DDX10: variants seen among roughly 807,000 people sequenced by gnomAD.
DDX10 encodes the protein DEAD-box helicase 10, also known as probable ATP-dependent RNA helicase DDX10.
A neutral mutation model predicts 104.3 loss-of-function variants in DDX10; 74 were observed. That is an observed-to-expected ratio of 0.71 (90% CI 0.59 to 0.86). DDX10 has a LOEUF of 0.86. Among genes scored for constraint, DDX10 ranks in the 40% least tolerant of loss-of-function variants. The pLI is 0.00. For synonymous variants in DDX10, 351 were observed against 353.4 expected, an observed-to-expected ratio of 0.99 and a Z score of 0.08; for missense variants, 952 against 1,040.0, an observed-to-expected ratio of 0.92 and a Z score of 1.16.
In DDX10 at chr11:108,712,569, C is replaced by G. The variant is rs748303672; in HGVS notation, c.1323-3310C>G. Among the ~76,000 whole-genome samples, 5 of 151,810 alleles carry G rather than the reference C, an allele frequency of 3.3e-5. No homozygotes were observed. The East Asian group carries it at 9.6e-4, about 29-fold the overall frequency. ...CACAGGTAGTGTGAGTACCTTATAACGTAATTCTGATTTCTCCCTCGTGTC... is the reference window on the plus strand; with the variant it reads ...CACAGGTAGTGTGAGTACCTTATAAGGTAATTCTGATTTCTCCCTCGTGTC... On this transcript the variant is annotated intron_variant, in intron 10 of 17. Coordinates refer to ENST00000322536, the MANE Select transcript of DDX10 (RefSeq NM_004398.4).
intron 13 of DDX10, among the ~76,000 whole-genome samples, chr11:108,756,841 G>A (rs1280576458): frequency 6.6e-6 from 1 of 152,002 alleles, no homozygotes; most frequent in African/African-American, 2.4e-5. Context: ...TTACGTTTTA[G>A]TAAATTACAG....
chr11:108,853,899 A>C (rs1361730124), intron 16 of DDX10, among the ~76,000 whole-genome samples: 1 of 152,232 alleles, frequency 6.6e-6, no homozygotes. Context: ...AGAAGAGCTG[A>C]CATGGCTTTG....
At position 108,673,530 on chromosome 11, in the gene DDX10, A is replaced by G; in HGVS notation, c.247+3A>G. On this transcript the variant is annotated splice_donor_region_variant and intron_variant, in intron 2 of 17. Transcript: ENST00000322536. ...CTTGTCCAAAAAAACATTGAAAGGT[A>G]AGTATATGGTGATCTTGGGATGTGT... 1 of 1,580,638 alleles carries G rather than the reference A, an allele frequency of 6.3e-7. No homozygotes were observed.
At chr11:108,763,644 T>C (rs76473979) in intron 13 of DDX10, among the ~76,000 whole-genome samples, 6,409 of 152,256 alleles carry the variant, frequency 0.042, 374 homozygotes, top group African/African-American at 0.13. Context: ...GTGATACAAC[T>C]AAACTCATTT....
intron 6 of DDX10, among the ~76,000 whole-genome samples, chr11:108,681,428 T>C (rs2094235082): frequency 6.6e-6 from 1 of 152,210 alleles, no homozygotes; most frequent in African/African-American, 2.4e-5. Context: ...TATTCTAATA[T>C]TCCAAATTTA....
intron 17 of DDX10, among the ~76,000 whole-genome samples, chr11:108,925,929 A>G (rs1367003795): frequency 6.6e-6 from 1 of 152,162 alleles, no homozygotes; most frequent in Admixed American, 6.5e-5. Flanking sequence ...ATGAAGAGTG[A>G]GACTAAACTG....
chr11:108,828,412 C>T (rs150112930), intron 13 of DDX10, among the ~76,000 whole-genome samples: 42 of 152,284 alleles, frequency 2.8e-4, no homozygotes, highest in African/African-American at 9.6e-4. Flanking sequence ...GTTTGGTTTT[C>T]CATTACTGAC....
At chr11:108,668,670 C>T (rs529764752) in intron 1 of DDX10, among the ~76,000 whole-genome samples, 1 of 152,156 alleles carries the variant, frequency 6.6e-6, no homozygotes, top group East Asian at 1.9e-4. Context: ...GATTCCGAAA[C>T]CTTTTAAAAC....
intron 17 of DDX10, among the ~76,000 whole-genome samples, chr11:108,925,982 C>A (rs1863903266): frequency 6.6e-6 from 1 of 152,086 alleles, no homozygotes; most frequent in East Asian, 1.9e-4. Context: ...TAGGGACATG[C>A]TTGGGTAGGT....
chr11:108,691,465 A>C (rs2094252399), intron 7 of DDX10, among the ~76,000 whole-genome samples: 2 of 152,224 alleles, frequency 1.3e-5, no homozygotes, highest in South Asian at 4.1e-4. Context: ...TATGTCTAAC[A>C]GTTTTTTAAA....
At chr11:108,801,303 CA>C in intron 13 of DDX10, among the ~76,000 whole-genome samples, 1 of 152,176 alleles carries the variant, frequency 6.6e-6, no homozygotes, top group Non-Finnish European at 1.5e-5. Flanking sequence ...TGTAAACTGC[CA>C]TAGAATCAGC....
chr11:108,692,575 G>A (rs2094254324), intron 8 of DDX10, among the ~76,000 whole-genome samples: 1 of 152,192 alleles, frequency 6.6e-6, no homozygotes. Context: ...ATAAATAGGT[G>A]ATAATTTGAA....
At chr11:108,685,392 G>T in intron 6 of DDX10, among the ~76,000 whole-genome samples, 1 of 151,354 alleles carries the variant, frequency 6.6e-6, no homozygotes, top group Admixed American at 6.6e-5. Context: ...GCTTCGGCTC[G>T]CGCACGGTGC....
intron 15 of DDX10, among the ~76,000 whole-genome samples, chr11:108,843,243 A>G (rs945330002): frequency 2.0e-5 from 3 of 152,134 alleles, no homozygotes; most frequent in Non-Finnish European, 4.4e-5. Flanking sequence ...CATTAATAAA[A>G]GGCAATATAG....
chr11:108,733,209 T>TAC (rs1401467743), intron 13 of DDX10, among the ~76,000 whole-genome samples: 1 of 152,024 alleles, frequency 6.6e-6, no homozygotes, highest in Non-Finnish European at 1.5e-5. Flanking sequence ...CTTATAAGTA[T>TAC]ACTCTTATAA....
At chr11:108,797,258 T>A (rs1388106754) in intron 13 of DDX10, among the ~76,000 whole-genome samples, 3 of 152,150 alleles carry the variant, frequency 2.0e-5, no homozygotes, top group African/African-American at 7.2e-5. Flanking sequence ...GGTCTTCATC[T>A]CTTGACCTCA....
chr11:108,731,393 C>T (rs114681091), intron 13 of DDX10, among the ~76,000 whole-genome samples: 1,524 of 152,140 alleles, frequency 0.01, 30 homozygotes, highest in African/African-American at 0.035. Context: ...CACCTGTTAC[C>T]TACTTTCGAA....
At chr11:108,852,680 A>G (rs763065373) in intron 16 of DDX10, among the ~76,000 whole-genome samples, 1 of 152,164 alleles carries the variant, frequency 6.6e-6, no homozygotes, top group Non-Finnish European at 1.5e-5. Flanking sequence ...CACTTTTACT[A>G]TATTCTGTAA....
intron 13 of DDX10, among the ~76,000 whole-genome samples, chr11:108,764,693 GA>G (rs1460186697): frequency 6.6e-6 from 1 of 152,030 alleles, no homozygotes; most frequent in African/African-American, 2.4e-5. Flanking sequence ...AAAATGAACA[GA>G]ATAGCTACCC....
Sources: allele counts gnomAD v4.1 joint callset (sites outside exome capture counted in the v4.1 genomes callset), GRCh38; gene constraint gnomAD v4.1.1; transcripts MANE v1.5; gene names NCBI Gene and HGNC (gene_info 2026-07-23, HGNC 2026-07-21).